PAMR1: variants seen among roughly 807,000 people sequenced by gnomAD.
PAMR1 encodes peptidase domain containing associated with muscle regeneration 1.
A neutral mutation model predicts 81.8 loss-of-function variants in PAMR1; 88 were observed. The ratio of observed to expected loss-of-function variants is 1.08; its 90% CI spans 0.91 to 1.28. The LOEUF (loss-of-function observed/expected upper bound fraction) is 1.28. Among genes scored for constraint, PAMR1 ranks in the 50% most tolerant of loss-of-function variants. The pLI, the probability that PAMR1 is intolerant of heterozygous loss-of-function variation, is 0.00. For synonymous variants in PAMR1, 336 were observed against 345.3 expected, an observed-to-expected ratio of 0.97 and a Z score of 0.30; for missense variants, 935 against 919.7, an observed-to-expected ratio of 1.02 and a Z score of -0.21.
intron 6 of PAMR1, among the ~76,000 whole-genome samples, chr11:35,444,973 C>T (rs969708133): frequency 3.9e-5 from 6 of 152,058 alleles, no homozygotes; most frequent in Admixed American, 2.0e-4. Flanking sequence ...TATCCATGAG[C>T]GTGGAATGTT....
Position 35,434,752 on chromosome 11 carries a change from C to A in PAMR1, c.1386G>T (p.Trp462Cys). 1 of 1,614,126 alleles carries A rather than the reference C, an allele frequency of 6.2e-7. No homozygotes were observed. The highest frequency in any genetic ancestry group is 1.6e-4 in the Middle Eastern group (1 of 6,062). ...TCCTGTAGATGGCTGCCTGCCACGG[C>A]CAGCGCAACCCTTGGGTCTTTGGAG... ...ITAPKTQGLR[W>C]PWQAAIYRRT... Residue 462 changes from tryptophan to cysteine, a missense_variant, in exon 10 of 11, where the codon TGG becomes TGT. Transcript: ENST00000619888.
intron 1 of PAMR1, among the ~76,000 whole-genome samples, chr11:35,508,481 G>A (rs1590390572): frequency 7.2e-6 from 1 of 139,034 alleles, no homozygotes; most frequent in Non-Finnish European, 1.5e-5. Context: ...AAGCTAGCTT[G>A]CTTCTATGCC....
upstream of PAMR1, chr11:35,525,833 A>G (rs1016867851): frequency 1.8e-5 from 10 of 557,888 alleles, no homozygotes; most frequent in African/African-American, 1.3e-4. Context: ...CCACGCCTGG[A>G]GACCCGCGGA....
chr11:35,452,559 A>G (rs1856440174), intron 6 of PAMR1, among the ~76,000 whole-genome samples: 2 of 152,378 alleles, frequency 1.3e-5, no homozygotes, highest in African/African-American at 2.4e-5. Flanking sequence ...GGGAGAAACT[A>G]GAACATACTT....
At chr11:35,485,129 T>C (rs1190709221) in intron 3 of PAMR1, among the ~76,000 whole-genome samples, 1 of 152,146 alleles carries the variant, frequency 6.6e-6, no homozygotes, top group Non-Finnish European at 1.5e-5. Flanking sequence ...TTAAAACATT[T>C]GAGGGTCAGG....
intron 3 of PAMR1, among the ~76,000 whole-genome samples, chr11:35,485,757 C>T (rs1850486590): frequency 6.6e-6 from 1 of 151,910 alleles, no homozygotes; most frequent in Non-Finnish European, 1.5e-5. Context: ...TGGCACTTGC[C>T]CGCCACTCCT....
chr11:35,491,967 G>A, intron 3 of PAMR1, 78 bp downstream of exon 3: 1 of 1,286,290 alleles, frequency 7.8e-7, no homozygotes, highest in Non-Finnish European at 1.0e-6. Flanking sequence ...ATTCCAAGGA[G>A]ATAAATTTTG....
intron 1 of PAMR1, among the ~76,000 whole-genome samples, chr11:35,517,808 A>G (rs1230532768): frequency 6.6e-6 from 1 of 152,228 alleles, no homozygotes; most frequent in African/African-American, 2.4e-5. Context: ...TCATCTTGAT[A>G]TTGCCAACAC....
chr11:35,497,753 T>C (rs1382347395), intron 1 of PAMR1, among the ~76,000 whole-genome samples: 1 of 152,236 alleles, frequency 6.6e-6, no homozygotes, highest in Non-Finnish European at 1.5e-5. Context: ...AACTATAACA[T>C]GTCACTGTAC....
rs551410960 is a variant in PAMR1 at position 35,508,047 on chromosome 11, G to A, written c.74-13775C>T. On this transcript the variant is annotated intron_variant, in intron 1 of 10. Coordinates refer to ENST00000619888, the MANE Select transcript of PAMR1 (RefSeq NM_001001991.3). ...CTGATTTGGTGTTTCTTTTTGCTGCGTTAAAGAGCAGAATTTCCAGGGCTG... is the reference window on the plus strand; with the variant it reads ...CTGATTTGGTGTTTCTTTTTGCTGCATTAAAGAGCAGAATTTCCAGGGCTG... Among the ~76,000 whole-genome samples, 267 of 152,250 alleles carry A rather than the reference G, an allele frequency of 1.8e-3. 1 individual carries two copies. Among genetic ancestry groups the A allele is most frequent in the African/African-American group, 5.6e-3 (231 of 41,536 alleles).
At chr11:35,455,457 T>C (rs1565333272) in intron 6 of PAMR1, among the ~76,000 whole-genome samples, 1 of 152,348 alleles carries the variant, frequency 6.6e-6, no homozygotes, top group East Asian at 1.9e-4. Context: ...CTTTCATTTA[T>C]TGCTATCCAC....
At chr11:35,495,548 A>T (rs936054010) in intron 1 of PAMR1, among the ~76,000 whole-genome samples, 1 of 152,170 alleles carries the variant, frequency 6.6e-6, no homozygotes, top group Non-Finnish European at 1.5e-5. Context: ...AAAATTTTGC[A>T]CAAAGATGAC....
intron 6 of PAMR1, among the ~76,000 whole-genome samples, chr11:35,450,596 A>G (rs989203070): frequency 2.6e-5 from 4 of 152,222 alleles, no homozygotes; most frequent in African/African-American, 9.6e-5. Flanking sequence ...GCACAGATTC[A>G]TTCATTCTGA....
At chr11:35,526,446 C>T (rs1851392146), upstream of PAMR1, among the ~76,000 whole-genome samples, 1 of 152,070 alleles carries the variant, frequency 6.6e-6, no homozygotes, top group Admixed American at 6.5e-5. Flanking sequence ...TAGCAAGTGA[C>T]ATCTCGAAAT....
At chr11:35,470,918 C>T (rs1313030605) in intron 4 of PAMR1, 100 bp from the exon 5 acceptor site, 2 of 789,150 alleles carry the variant, frequency 2.5e-6, no homozygotes, top group African/African-American at 1.7e-5. Flanking sequence ...GCCTGAGGAA[C>T]AGATGGTGTC....
At chr11:35,476,133 A>AAT (rs1467766066) in intron 3 of PAMR1, among the ~76,000 whole-genome samples, 1 of 152,198 alleles carries the variant, frequency 6.6e-6, no homozygotes, top group Non-Finnish European at 1.5e-5. Context: ...TAGGTCATAC[A>AAT]ATCTATCTCT....
chr11:35,526,539 C>T (rs773863831), upstream of PAMR1, among the ~76,000 whole-genome samples: 33 of 152,198 alleles, frequency 2.2e-4, no homozygotes, highest in Non-Finnish European at 1.5e-5. Context: ...CATGTATTAA[C>T]TCAATTATTC....
intron 4 of PAMR1, among the ~76,000 whole-genome samples, chr11:35,474,138 T>A: frequency 6.6e-6 from 1 of 152,142 alleles, no homozygotes; most frequent in African/African-American, 2.4e-5. Flanking sequence ...GCCCTAAAGC[T>A]CCATAAAAAG....
chr11:35,456,283 G>T (rs1208633749), intron 6 of PAMR1, among the ~76,000 whole-genome samples: 1 of 152,180 alleles, frequency 6.6e-6, no homozygotes, highest in Admixed American at 6.5e-5. Context: ...TGAATGAGGT[G>T]CAGGGTCTCA....
Sources: allele counts gnomAD v4.1 joint callset (sites outside exome capture counted in the v4.1 genomes callset), GRCh38; gene constraint gnomAD v4.1.1; transcripts MANE v1.5; gene names NCBI Gene and HGNC (gene_info 2026-07-23, HGNC 2026-07-21).